The following EML4 variants were observed in gnomAD, a reference collection of about 807,000 sequenced individuals.
The protein encoded by EML4 is echinoderm microtubule-associated protein-like 4.
Under a neutral mutation model 129.0 loss-of-function variants are expected in EML4, and 72 were observed. That is an observed-to-expected ratio of 0.56 (90% confidence interval 0.46 to 0.68). EML4 has a LOEUF of 0.68. Among genes scored for constraint, EML4 ranks in the 30% least tolerant of loss-of-function variants. EML4 has a pLI of 0.00. For missense variants in EML4, 1,363 were observed against 1,190.6 expected (o/e 1.14, Z -2.13); for synonymous variants, 532 against 405.0 (o/e 1.31, Z -3.77).
At chr2:42,259,694 C>T (rs1381195375) in intron 3 of EML4, among the ~76,000 whole-genome samples, 1 of 148,166 alleles carries the variant, frequency 6.7e-6, no homozygotes, top group Non-Finnish European at 1.5e-5. Flanking sequence ...GAACGCATCT[C>T]TCTTTCTATG....
At position 42,303,374 on chromosome 2, in the gene EML4, A is replaced by G. The variant is rs540262589; in HGVS notation, c.1827A>G (p.Thr609=). Residue 609 remains threonine, a synonymous_variant, in exon 16 of 23, where the codon ACA becomes ACG. Coordinates refer to ENST00000318522, the MANE Select transcript of EML4 (RefSeq NM_019063.5). ...ATCCCTTCAAAGATTTGCTCTTGAC[A>G]TGTGCTCAGGACAGGCAGGTGTGCC... ...ATHPFKDLLL[T]CAQDRQVCLW... is the part of the protein sequence containing the mutation. The G allele has an allele frequency of 7.4e-6, 12 of 1,614,148 alleles. No individual in the cohort carries two copies. Among genetic ancestry groups the G allele is most frequent in the Admixed American group, 1.7e-5 (1 of 60,024 alleles).
At chr2:42,245,780 G>T in intron 2 of EML4, 93 bp downstream of exon 2, 3 of 1,122,486 alleles carry the variant, frequency 2.7e-6, no homozygotes, top group South Asian at 2.0e-5. Flanking sequence ...TTCTTATGTG[G>T]ATTACTTGTG....
At chr2:42,195,408 T>C (rs765706239) in intron 1 of EML4, among the ~76,000 whole-genome samples, 69 of 152,218 alleles carry the variant, frequency 4.5e-4, no homozygotes, top group African/African-American at 1.6e-3. Context: ...CAAAAATAAA[T>C]TGATTTTAGT....
At chr2:42,232,023 C>T (rs1472578852) in intron 1 of EML4, among the ~76,000 whole-genome samples, 1 of 151,636 alleles carries the variant, frequency 6.6e-6, no homozygotes, top group East Asian at 1.9e-4. Flanking sequence ...AAATTCTCAG[C>T]ACTTTGAAAA....
At chr2:42,194,596 C>T (rs1470180705) in intron 1 of EML4, among the ~76,000 whole-genome samples, 1 of 151,566 alleles carries the variant, frequency 6.6e-6, no homozygotes, top group Non-Finnish European at 1.5e-5. Context: ...GCCCAACCTC[C>T]ACCTCTTGGG....
At chr2:42,208,155 T>C (rs1208938920) in intron 1 of EML4, 1 of 152,204 alleles carries the variant, frequency 6.6e-6, no homozygotes, top group Non-Finnish European at 1.5e-5. Flanking sequence ...TCCTGGCCAC[T>C]CTGGGAGGGA....
intron 9 of EML4, among the ~76,000 whole-genome samples, chr2:42,285,657 G>A (rs1165865225): frequency 1.3e-5 from 2 of 149,630 alleles, no homozygotes; most frequent in African/African-American, 4.9e-5. Flanking sequence ...GGAGTGCAGT[G>A]GCACAATATT....
At chr2:42,227,473 CTTTTTT>C (rs201223334) in intron 1 of EML4, among the ~76,000 whole-genome samples, 1 of 133,164 alleles carries the variant, frequency 7.5e-6, no homozygotes, top group Non-Finnish European at 1.6e-5. Context: ...CCTGTTAAGG[CTTTTTT>C]TTTTTTTTTT....
At position 42,331,084 on chromosome 2, in the gene EML4, G is replaced by T. The variant is rs1670077419; in HGVS notation, c.*877G>T. 1 of 217,826 alleles carries T rather than the reference G, an allele frequency of 4.6e-6. No homozygotes were observed. Among genetic ancestry groups the T allele is most frequent in the African/African-American group, 2.2e-5 (1 of 44,456 alleles). 13.5% of individuals were successfully genotyped at this position (217,826 alleles called of 1,614,324 possible). ...TGTAATAATTACCTGGCTAATTTCAGCTAAGCCTTCATCATAATTTGTTCC... is the reference window on the plus strand; with the variant it reads ...TGTAATAATTACCTGGCTAATTTCATCTAAGCCTTCATCATAATTTGTTCC... On this transcript the variant is annotated 3_prime_UTR_variant, in exon 23 of 23. Coordinates refer to ENST00000318522, the MANE Select transcript of EML4 (RefSeq NM_019063.5).
At chr2:42,172,470 G>A (rs933712870) in intron 1 of EML4, among the ~76,000 whole-genome samples, 2 of 152,094 alleles carry the variant, frequency 1.3e-5, no homozygotes, top group African/African-American at 4.8e-5. Context: ...GAAGTTACAT[G>A]GTACTGATTA....
At chr2:42,221,485 C>G (rs1673594893) in intron 1 of EML4, among the ~76,000 whole-genome samples, 1 of 143,364 alleles carries the variant, frequency 7.0e-6, no homozygotes, top group East Asian at 2.3e-4. Context: ...TCATGGCTCA[C>G]TGCAGCCTCA....
At chr2:42,190,255 C>T (rs1241580803) in intron 1 of EML4, among the ~76,000 whole-genome samples, 2 of 152,120 alleles carry the variant, frequency 1.3e-5, no homozygotes, top group African/African-American at 4.8e-5. Flanking sequence ...AGTCTCTTCC[C>T]TCCCATTCCC....
intron 4 of EML4, 134 bp downstream of exon 4, chr2:42,261,428 C>A: frequency 1.5e-6 from 1 of 658,228 alleles, no homozygotes; most frequent in Admixed American, 3.0e-5. Flanking sequence ...TTCTTCATTG[C>A]TTATAATTTA....
chr2:42,318,425 A>C (rs1471099245), intron 19 of EML4, among the ~76,000 whole-genome samples: 1 of 152,144 alleles, frequency 6.6e-6, no homozygotes, highest in Non-Finnish European at 1.5e-5. Flanking sequence ...AAGCAGACTT[A>C]TTTGCCTTTT....
intron 19 of EML4, among the ~76,000 whole-genome samples, chr2:42,321,899 T>C (rs1483296875): frequency 1.3e-5 from 2 of 152,210 alleles, no homozygotes; most frequent in East Asian, 1.9e-4. Context: ...GTGTGAAACA[T>C]TGCTGAAAGA....
At chr2:42,304,211 A>G (rs1336380025) in intron 16 of EML4, among the ~76,000 whole-genome samples, 1 of 152,098 alleles carries the variant, frequency 6.6e-6, no homozygotes, top group Admixed American at 6.5e-5. Flanking sequence ...GATGCTAAAG[A>G]ACTGTACCAG....
chr2:42,253,045 T>C (rs1187474331), intron 2 of EML4, among the ~76,000 whole-genome samples: 1 of 152,168 alleles, frequency 6.6e-6, no homozygotes, highest in East Asian at 1.9e-4. Context: ...GGTGCATGGA[T>C]GATGAATACG....
At position 42,176,278 on chromosome 2, in the gene EML4, A is replaced by G. The variant is rs527386114; in HGVS notation, c.25+6642A>G. ...CTCATCCCTTTTCTTTTCCACCGCT[A>G]TAGTTCAGGTACTTATTATTCGATG... is the stretch of plus-strand genomic sequence containing the variant. On this transcript the variant is annotated intron_variant, in intron 1 of 22. Transcript: ENST00000318522. Among the ~76,000 whole-genome samples the G allele has an allele frequency of 8.5e-5, 13 of 152,274 alleles. No individual in the cohort carries two copies. The South Asian group carries it at 1.0e-3, about 12-fold the overall frequency.
chr2:42,259,061 A>G (rs1198801655), intron 3 of EML4, among the ~76,000 whole-genome samples: 1 of 152,170 alleles, frequency 6.6e-6, no homozygotes, highest in African/African-American at 2.4e-5. Flanking sequence ...AGTCTGGCCA[A>G]CATGGTGTAA....
Sources: gnomAD v4.1 joint callset for allele counts (sites outside exome capture counted in the v4.1 genomes callset) on GRCh38, gnomAD v4.1.1 for gene constraint, MANE v1.5 for transcripts, NCBI Gene and HGNC (gene_info 2026-07-23, HGNC 2026-07-21) for gene names.